The following KIAA1210 variants were observed in gnomAD, a reference collection of about 807,000 sequenced individuals.
KIAA1210 encodes KIAA1210.
Under a neutral mutation model 78.9 loss-of-function variants are expected in KIAA1210, and 48 were observed. The observed-to-expected ratio is 0.61, with a 90% CI of 0.48 to 0.77. The LOEUF is 0.77. KIAA1210 is among the 30% of genes least tolerant of loss of function. KIAA1210 has a pLI of 0.00. For synonymous variants in KIAA1210, 406 were observed against 404.5 expected (o/e 1.00, Z -0.04); for missense variants, 1,108 against 1,100.0 (o/e 1.01, Z -0.10).
chrX:119,115,219 CA>C (rs980673929), intron 3 of KIAA1210, among the ~76,000 whole-genome samples: 8 of 110,704 alleles, frequency 7.2e-5, no homozygotes, highest in African/African-American at 2.6e-4. Flanking sequence ...TCCTTGCACA[CA>C]AAAAAATCCC....
At chrX:119,139,270 G>C (rs1481970770) in intron 2 of KIAA1210, among the ~76,000 whole-genome samples, 2 of 111,417 alleles carry the variant, frequency 1.8e-5, no homozygotes, top group Non-Finnish European at 3.8e-5. Flanking sequence ...AATCACCTTG[G>C]GTACAGGGCA....
At chrX:119,147,614 A>G (rs377047576) in intron 1 of KIAA1210, 1 of 1,205,469 alleles carries the variant, frequency 8.3e-7, no homozygotes, top group East Asian at 3.0e-5. Flanking sequence ...ACACATTATC[A>G]GGAGTTAATC....
At chrX:119,099,002 T>A (rs1411443972) in intron 6 of KIAA1210, among the ~76,000 whole-genome samples, 2 of 111,968 alleles carry the variant, frequency 1.8e-5, no homozygotes, top group African/African-American at 6.5e-5. Flanking sequence ...CTGTTCTCTG[T>A]ATTATTTTAG....
chrX:119,091,841 G>A (rs984426445), intron 8 of KIAA1210, among the ~76,000 whole-genome samples: 16 of 111,964 alleles, frequency 1.4e-4, no homozygotes, highest in Admixed American at 1.2e-3. Context: ...CCCAGGAATC[G>A]AAAACCAAAT....
At chrX:119,138,328 C>T (rs1239774868) in intron 2 of KIAA1210, among the ~76,000 whole-genome samples, 6 of 101,279 alleles carry the variant, frequency 5.9e-5, no homozygotes, top group African/African-American at 2.2e-4. Flanking sequence ...AAGCAATTCT[C>T]ATGCCTCAGC....
intron 2 of KIAA1210, among the ~76,000 whole-genome samples, chrX:119,146,535 A>G (rs1227036654): frequency 8.9e-6 from 1 of 112,508 alleles, no homozygotes; most frequent in Admixed American, 9.4e-5. Context: ...AAAGCTTTAA[A>G]ACCATTTTCT....
chrX:119,137,248 G>A (rs193226130), intron 2 of KIAA1210, among the ~76,000 whole-genome samples: 2 of 112,296 alleles, frequency 1.8e-5, no homozygotes, highest in Admixed American at 1.9e-4. Flanking sequence ...AAACAGAAAG[G>A]CTAAGTAACT....
intron 7 of KIAA1210, among the ~76,000 whole-genome samples, chrX:119,094,987 C>A (rs2147175909): frequency 8.9e-6 from 1 of 112,048 alleles, no homozygotes; most frequent in South Asian, 3.8e-4. Context: ...TGACACCAAA[C>A]TAACAAGGTA....
intron 11 of KIAA1210, 31 bp from the exon 12 acceptor site, chrX:119,081,535 T>G (rs986078779): frequency 4.3e-6 from 5 of 1,171,798 alleles, no homozygotes; most frequent in Non-Finnish European, 4.6e-6. Context: ...ACACAAGCAA[T>G]AAGGAACCCC....
At chrX:119,089,888 C>A (rs1308183931) in intron 8 of KIAA1210, 142 bp from the exon 9 acceptor site, 3 of 518,176 alleles carry the variant, frequency 5.8e-6, no homozygotes, top group African/African-American at 2.4e-5. Flanking sequence ...AGACAGAGGG[C>A]AACATGGTCA....
intron 1 of KIAA1210, among the ~76,000 whole-genome samples, chrX:119,124,391 A>T (rs774923662): frequency 8.9e-6 from 1 of 112,656 alleles, no homozygotes; most frequent in African/African-American, 3.2e-5. Flanking sequence ...TACTTTAAAT[A>T]GGTGACTTGT....
chrX:119,110,220 G>A (rs888605829), intron 3 of KIAA1210, among the ~76,000 whole-genome samples: 2 of 112,274 alleles, frequency 1.8e-5, no homozygotes, highest in African/African-American at 3.2e-5. Flanking sequence ...ATGAAAATCA[G>A]TGAATGCCAA....
chrX:119,102,532 C>T (rs757021836), intron 6 of KIAA1210, among the ~76,000 whole-genome samples: 3 of 107,940 alleles, frequency 2.8e-5, no homozygotes, highest in African/African-American at 1.0e-4. Context: ...GCATATGCAG[C>T]AGAAGATTGC....
At chrX:119,108,827 G>A (rs942580718) in intron 4 of KIAA1210, among the ~76,000 whole-genome samples, 44 of 105,952 alleles carry the variant, frequency 4.2e-4, no homozygotes, top group Non-Finnish European at 6.8e-4. Flanking sequence ...CTAGGTGACA[G>A]AGTGAGACCT....
rs1165024368 is a variant in KIAA1210 at position 119,087,080 on chromosome X, C to A, written c.3622G>T (p.Ala1208Ser). The change falls in exon 9 of 12, where the codon GCT (alanine) becomes TCT (serine). Residue 1208 changes from alanine to serine, a missense_variant. Ala to Ser is a moderately conservative substitution (Grantham distance 99). Coordinates refer to ENST00000691062, the MANE Select transcript of KIAA1210 (RefSeq NM_001394962.1). ...TTGCTCTCAAAAACAGATCGCCTAG[C>A]AGCAGCATTCACAGAACTTGAATGA... ...QVHSSSVNAAARRSVFESNSD... is the reference protein window; with the variant it reads ...QVHSSSVNAASRRSVFESNSD... 1 of 1,211,634 alleles carries A rather than the reference C, an allele frequency of 8.3e-7. No individual in the cohort carries two copies. The highest frequency in any genetic ancestry group is 2.2e-5 in the Admixed American group (1 of 46,041).
At chrX:119,106,805 G>T (rs747520619) in intron 5 of KIAA1210, among the ~76,000 whole-genome samples, 3 of 112,241 alleles carry the variant, frequency 2.7e-5, no homozygotes, top group Non-Finnish European at 5.6e-5. Flanking sequence ...AAATCTGGCA[G>T]GAAATAAAAT....
chrX:119,086,773 G>A lies in KIAA1210; in HGVS notation c.3929C>T (p.Ser1310Leu), dbSNP rs200706641. ...FGVRLKRAPP[S>L]QKYKSEKQDN... ...TTGTTTCTCACTCTTATACTTCTGC[G>A]AGGGAGGGGCTCTTTTCAGTCGAAC... Residue 1310 changes from serine (S) to leucine (L), a missense_variant, in exon 9 of 12, where the codon TCG becomes TTG. Ser to Leu is a moderately radical substitution (Grantham distance 145). Coordinates refer to ENST00000691062, the MANE Select transcript of KIAA1210 (RefSeq NM_001394962.1). The A allele has an allele frequency of 1.5e-5, 18 of 1,210,949 alleles. No individual in the cohort carries two copies. Among genetic ancestry groups the A allele is most frequent in the Non-Finnish European group, 2.0e-5 (18 of 895,156 alleles).
intron 1 of KIAA1210, among the ~76,000 whole-genome samples, chrX:119,147,989 A>G (rs1016900016): frequency 1.8e-5 from 2 of 111,258 alleles, no homozygotes; most frequent in Non-Finnish European, 3.8e-5. Context: ...TTTTTTTAAA[A>G]TTAGCCAGGC....
rs1928686724 is a variant in KIAA1210 at position 119,127,720 on chromosome X, T to C, written c.-11+7A>G. On this transcript the variant is annotated splice_region_variant and intron_variant, in intron 1 of 11. Coordinates refer to ENST00000691062, the MANE Select transcript of KIAA1210 (RefSeq NM_001394962.1). ...GTAAAATTCTTTAAAGAGTTATCTA[T>C]ACTTACTGCCTTTATGTCCTCACTT... Among the ~76,000 whole-genome samples the C allele has an allele frequency of 1.8e-5, 2 of 111,926 alleles. No individual in the cohort carries two copies. Among genetic ancestry groups the C allele is most frequent in the South Asian group, 7.5e-4 (2 of 2,650 alleles).
Sources: allele counts gnomAD v4.1 joint callset (sites outside exome capture counted in the v4.1 genomes callset), GRCh38; gene constraint gnomAD v4.1.1; transcripts MANE v1.5; gene names NCBI Gene and HGNC (gene_info 2026-07-23, HGNC 2026-07-21).